The following STIM2 variants were observed in gnomAD, a reference collection of about 807,000 sequenced individuals.
STIM2 encodes stromal interaction molecule 2.
In STIM2, 31 loss-of-function variants were observed where a neutral mutation model predicts 85.8. That is an observed-to-expected ratio of 0.36 (90% CI 0.27 to 0.49). The LOEUF (loss-of-function observed/expected upper bound fraction) is 0.49, where lower values mean the gene tolerates loss of function less well. Ranked by LOEUF, STIM2 falls within the 20% of genes least tolerant of loss-of-function variation. The probability of loss-of-function intolerance (pLI) is 0.98; values close to 1 mark genes in which losing one functional copy is unlikely to be tolerated. For missense variants in STIM2, 841 were observed against 927.6 expected, an observed-to-expected ratio of 0.91 and a Z score of 1.21; for synonymous variants, 356 against 331.1, an observed-to-expected ratio of 1.08 and a Z score of -0.82.
At chr4:26,916,227 A>G (rs112552072) in intron 1 of STIM2, among the ~76,000 whole-genome samples, 2,261 of 152,352 alleles carry the variant, frequency 0.015, 51 homozygotes, top group African/African-American at 0.052. Context: ...TCTAAATTAG[A>G]TTTGTAAAAG....
chr4:26,973,922 C>T (rs1307500141), intron 3 of STIM2, among the ~76,000 whole-genome samples: 1 of 152,148 alleles, frequency 6.6e-6, no homozygotes, highest in East Asian at 1.9e-4. Context: ...CTGGTTGCTC[C>T]TGTATTGGGT....
chr4:26,891,987 A>T (rs189553183), intron 1 of STIM2, among the ~76,000 whole-genome samples: 1 of 152,230 alleles, frequency 6.6e-6, no homozygotes, highest in Non-Finnish European at 1.5e-5. Context: ...TGCTGTTCTC[A>T]TGATAGTGAA....
At chr4:26,898,663 C>A (rs886691075) in intron 1 of STIM2, among the ~76,000 whole-genome samples, 3 of 152,098 alleles carry the variant, frequency 2.0e-5, no homozygotes, top group African/African-American at 4.8e-5. Flanking sequence ...GAGAAATGCT[C>A]ATTTTTTTCA....
In STIM2 at chr4:26,961,521, A is replaced by C. The variant is rs566090429; in HGVS notation, c.397+3795A>C. On this transcript the variant is annotated intron_variant, in intron 3 of 11. Transcript: ENST00000467087. ...GCACTGCATTGGATCCTGGGGATTA[A>C]TGATGAGTTAAACATGAATCTGGTG... Among the ~76,000 whole-genome samples, 223 of 152,306 alleles carry C rather than the reference A, an allele frequency of 1.5e-3. 1 individual carries two copies. Among genetic ancestry groups the C allele is most frequent in the Middle Eastern group, 0.01 (3 of 294 alleles).
chr4:26,906,440 GTTTTTTT>G (rs1211425958), intron 1 of STIM2, among the ~76,000 whole-genome samples: 5,484 of 116,104 alleles, frequency 0.047, 142 homozygotes, highest in South Asian at 0.1. Flanking sequence ...AAGTTTGTTT[GTTTTTTT>G]TTTTTTTTTT....
chr4:26,952,471 G>A (rs957716587), intron 2 of STIM2, among the ~76,000 whole-genome samples: 1 of 152,102 alleles, frequency 6.6e-6, no homozygotes, highest in Non-Finnish European at 1.5e-5. Context: ...AGTTGACATT[G>A]AGTGTCGACT....
chr4:26,919,365 T>C (rs1724711909), intron 1 of STIM2, 139 bp from the exon 2 acceptor site: 1 of 1,053,142 alleles, frequency 9.5e-7, no homozygotes, highest in Admixed American at 2.5e-5. Context: ...GTGAAGAATA[T>C]TCTGTTAGAC....
chr4:27,009,092 G>T, intron 10 of STIM2, 90 bp downstream of exon 10: 2 of 1,163,074 alleles, frequency 1.7e-6, no homozygotes, highest in Non-Finnish European at 2.5e-6. Context: ...TTCGAAATCT[G>T]TGAGAAAAAA....
chr4:26,891,242 C>T (rs1401342053), intron 1 of STIM2, among the ~76,000 whole-genome samples: 20 of 152,014 alleles, frequency 1.3e-4, no homozygotes, highest in Admixed American at 1.2e-3. Flanking sequence ...GAGAGATTGC[C>T]CTTGATGATA....
At chr4:27,008,384 A>G (rs766948552) in intron 8 of STIM2, 44 bp from the exon 9 acceptor site, 6 of 1,245,956 alleles carry the variant, frequency 4.8e-6, no homozygotes, top group South Asian at 3.1e-5. Context: ...AAATGTCTGT[A>G]TTTTTTTCAA....
intron 2 of STIM2, among the ~76,000 whole-genome samples, chr4:26,955,142 T>C (rs10002654): frequency 0.6 from 87,206 of 145,432 alleles, 29,422 homozygotes; most frequent in East Asian, 0.84. Context: ...TCTTCAAAAG[T>C]TTTAAAAAAT....
chr4:26,935,637 A>G (rs771537747), intron 2 of STIM2, among the ~76,000 whole-genome samples: 1 of 152,212 alleles, frequency 6.6e-6, no homozygotes, highest in African/African-American at 2.4e-5. Context: ...GATGGGACCT[A>G]GCAATCCGTT....
At chr4:26,993,333 G>T (rs1324923314) in intron 3 of STIM2, among the ~76,000 whole-genome samples, 1 of 152,098 alleles carries the variant, frequency 6.6e-6, no homozygotes, top group African/African-American at 2.4e-5. Context: ...AGGTTTTATG[G>T]TAGGAACACA....
intron 2 of STIM2, among the ~76,000 whole-genome samples, chr4:26,922,622 T>G (rs1724846513): frequency 6.6e-6 from 1 of 152,168 alleles, no homozygotes; most frequent in Non-Finnish European, 1.5e-5. Context: ...AGCACCTTGA[T>G]ATGCCCACCA....
At chr4:26,981,425 C>T (rs1486773603) in intron 3 of STIM2, among the ~76,000 whole-genome samples, 1 of 152,190 alleles carries the variant, frequency 6.6e-6, no homozygotes, top group African/African-American at 2.4e-5. Context: ...TCTCTACCTG[C>T]ATAATTGAAG....
intron 1 of STIM2, among the ~76,000 whole-genome samples, chr4:26,900,179 G>A (rs912182415): frequency 1.3e-4 from 20 of 152,146 alleles, no homozygotes; most frequent in Non-Finnish European, 2.5e-4. Flanking sequence ...AACGCCCAAG[G>A]TTATCTCTAA....
At chr4:26,893,270 C>G (rs1051641025) in intron 1 of STIM2, among the ~76,000 whole-genome samples, 1 of 152,190 alleles carries the variant, frequency 6.6e-6, no homozygotes, top group African/African-American at 2.4e-5. Flanking sequence ...CATAGTCCCT[C>G]TTCTTAATCA....
At chr4:26,977,057 G>A (rs532001502) in intron 3 of STIM2, among the ~76,000 whole-genome samples, 3 of 152,200 alleles carry the variant, frequency 2.0e-5, no homozygotes, top group Non-Finnish European at 2.9e-5. Context: ...ACAAGGGCTA[G>A]TTAGATAATG....
chr4:27,007,673 A>G lies in STIM2; in HGVS notation c.1122A>G (p.Glu374=). ...ACAATATTAAAAGACAAAACGCTGA[A>G]ATGCAGCTAGCTATTGCTAAAGATG... The change falls in exon 8 of 12, where the codon GAA becomes GAG. Residue 374 remains glutamate (E), a synonymous_variant. Transcript: ENST00000467087. 1 of 1,581,390 alleles carries G rather than the reference A, an allele frequency of 6.3e-7. No individual in the cohort carries two copies. The highest frequency in any genetic ancestry group is 8.6e-7 in the Non-Finnish European group (1 of 1,167,476).
Sources: allele counts gnomAD v4.1 joint callset (sites outside exome capture counted in the v4.1 genomes callset), GRCh38; gene constraint gnomAD v4.1.1; transcripts MANE v1.5; gene names NCBI Gene and HGNC (gene_info 2026-07-23, HGNC 2026-07-21).